Variants in RGPD8 observed in about 807,000 individuals in gnomAD.
RGPD8 encodes the protein RANBP2 like and GRIP domain containing 8, also known as RANBP2-like and GRIP domain-containing protein 8.
A neutral mutation model predicts 89.1 loss-of-function variants in RGPD8; 15 were observed. That is an observed-to-expected ratio of 0.17 (90% CI 0.11 to 0.26). The LOEUF (loss-of-function observed/expected upper bound fraction) is 0.26. Ranked by LOEUF, RGPD8 falls within the 10% of genes least tolerant of loss-of-function variation. The pLI, the probability that RGPD8 is intolerant of heterozygous loss-of-function variation, is 1.00. For synonymous variants in RGPD8, 62 were observed against 420.9 expected, an observed-to-expected ratio of 0.15 and a Z score of 10.44; for missense variants, 178 against 1,179.6, an observed-to-expected ratio of 0.15 and a Z score of 12.44.
At position 112,429,395 on chromosome 2, in the gene RGPD8, G is replaced by A. The variant is rs1490937016; in HGVS notation, c.72+3987C>T. Among the ~76,000 whole-genome samples the A allele has an allele frequency of 1.2e-4, 13 of 109,970 alleles. 1 individual carries two copies. Among genetic ancestry groups the A allele is most frequent in the Admixed American group, 4.1e-4 (3 of 7,242 alleles). The allele number at this position is 109,970 out of a possible 152,430, so 72.1% of individuals were successfully genotyped here. A position where few individuals can be genotyped will look rare whatever the true frequency, so the allele number is the denominator to read the frequency against. Reference sequence around the variant, plus strand: ...CGCGACACTGCACTCCAGCCTGGACGATAGAGCCAGACTCCGTCTCAAAAA... The same window carrying A: ...CGCGACACTGCACTCCAGCCTGGACAATAGAGCCAGACTCCGTCTCAAAAA... On this transcript the variant is annotated intron_variant, in intron 1 of 22. Coordinates refer to ENST00000302558, the MANE Select transcript of RGPD8 (RefSeq NM_001164463.1).
chr2:112,413,458 T>C (rs1481022982), intron 6 of RGPD8, among the ~76,000 whole-genome samples: 17 of 107,544 alleles, frequency 1.6e-4, no homozygotes, highest in Admixed American at 1.3e-3. Flanking sequence ...TTAGTTCTTC[T>C]AAATCCTAAT....
intron 1 of RGPD8, chr2:112,432,711 A>G: frequency 2.0e-6 from 2 of 985,274 alleles, no homozygotes; most frequent in Non-Finnish European, 2.4e-6. Context: ...CCGCGCGGGT[A>G]CTACGGGGCC....
At chr2:112,433,272 C>G in intron 1 of RGPD8, 110 bp downstream of exon 1, 2 of 1,186,216 alleles carry the variant, frequency 1.7e-6, no homozygotes. Flanking sequence ...CAGGGAGCAG[C>G]GCCCGTCGGG....
At chr2:112,379,077 T>G (rs1440137229) in intron 21 of RGPD8, among the ~76,000 whole-genome samples, 1 of 113,890 alleles carries the variant, frequency 8.8e-6, no homozygotes, top group Non-Finnish European at 1.8e-5. Flanking sequence ...TAAGACAATG[T>G]AAAACACTAT....
chr2:112,379,556 C>T (rs1356840042), intron 21 of RGPD8, among the ~76,000 whole-genome samples: 3 of 147,018 alleles, frequency 2.0e-5, no homozygotes, highest in African/African-American at 7.4e-5. Flanking sequence ...GATTGCACCA[C>T]TGCACTCCAA....
chr2:112,381,951 C>T (rs1678317739), intron 20 of RGPD8, among the ~76,000 whole-genome samples: 1 of 152,308 alleles, frequency 6.6e-6, no homozygotes, highest in South Asian at 2.1e-4. Context: ...TGAGTGTTGT[C>T]TGTGAGGGTG....
chr2:112,387,394 GTCAC>G lies in RGPD8; in HGVS notation c.4921+626_4921+629del, dbSNP rs1294789158. ...TTTTTTGGAGACAAAGTCTCACTCA[GTCAC>G]TCAGTCAGGCTGGAGTAAGTGGCAT... is the stretch of plus-strand genomic sequence containing the variant. On this transcript the variant is annotated intron_variant, in intron 20 of 22. Transcript: ENST00000302558. 4.2e-5 allele frequency among the ~76,000 whole-genome samples: 6 copies of G among 141,930 alleles called. 1 individual carries two copies. The South Asian group carries it at 7.1e-4, about 17-fold the overall frequency. 93.1% of individuals were successfully genotyped at this position (141,930 alleles called of 152,430 possible).
intron 19 of RGPD8, among the ~76,000 whole-genome samples, chr2:112,390,502 A>G (rs71227756): frequency 1.6e-3 from 224 of 144,146 alleles, no homozygotes; most frequent in African/African-American, 5.0e-3. Context: ...TTTTACATAT[A>G]AGGCAACTGA....
intron 20 of RGPD8, among the ~76,000 whole-genome samples, chr2:112,382,276 A>T (rs1169375916): frequency 2.0e-5 from 3 of 151,714 alleles, no homozygotes; most frequent in African/African-American, 7.2e-5. Context: ...CATCCATCCA[A>T]CCATCCAATT....
intron 9 of RGPD8, among the ~76,000 whole-genome samples, chr2:112,402,446 C>T (rs1481298088): frequency 4.0e-5 from 6 of 150,546 alleles, no homozygotes; most frequent in South Asian, 2.1e-4. Flanking sequence ...GCCGAGATTG[C>T]GCCACTGCGC....
rs2104416323 is a variant in RGPD8 at position 112,433,382 on chromosome 2, C to T, written c.72G>A (p.Gln24=). 2 of 1,610,014 alleles carry T rather than the reference C, an allele frequency of 1.2e-6. No individual in the cohort carries two copies. The highest frequency in any genetic ancestry group is 2.2e-5 in the East Asian group (1 of 44,812). Residue 24 remains glutamine (Q), a splice_region_variant and synonymous_variant, in exon 1 of 23, where the codon CAG becomes CAA. Coordinates refer to ENST00000302558, the MANE Select transcript of RGPD8 (RefSeq NM_001164463.1). The part of the protein sequence containing the change: ...SVLGLTPSPR[Q]KSMKGFYFAK... ...GCCGCTCTCTTCCAGACCCACTCAC[C>T]TGTCGAGGCGACGGGGTGAGACCCA...
chr2:112,423,761 G>A (rs950755465), intron 2 of RGPD8, among the ~76,000 whole-genome samples: 3 of 151,434 alleles, frequency 2.0e-5, no homozygotes, highest in African/African-American at 7.3e-5. Context: ...TCCACTCCCA[G>A]CCAGGAAATC....
At position 112,423,575 on chromosome 2, in the gene RGPD8, G is replaced by A. The variant is rs1444129394; in HGVS notation, c.140+665C>T. Among the ~76,000 whole-genome samples the A allele has an allele frequency of 8.3e-5, 11 of 131,916 alleles. No homozygotes were observed. The East Asian group carries it at 8.8e-4, about 11-fold the overall frequency. The allele number at this position is 131,916 out of a possible 152,430, so 86.5% of individuals were successfully genotyped here. ...CTTAGCCAGGTCCACGTGGTGGTGC[G>A]CATCTGTATCCCCAGCTACTTGGGG... On this transcript the variant is annotated intron_variant, in intron 2 of 22. Coordinates refer to ENST00000302558, the MANE Select transcript of RGPD8 (RefSeq NM_001164463.1).
intron 7 of RGPD8, among the ~76,000 whole-genome samples, chr2:112,411,079 C>T (rs769834435): frequency 5.3e-4 from 80 of 151,934 alleles, no homozygotes; most frequent in African/African-American, 1.4e-3. Context: ...AGCAAAACTC[C>T]GTCTCAAAAA....
Position 112,429,223 on chromosome 2 carries a change from A to G in RGPD8, c.72+4159T>C, listed in dbSNP as rs1679907473. ...ATCATGAGGTCAGGAGATTGAGACT[A>G]TCCTGGCTAACACGGTGAAACTCCG... On this transcript the variant is annotated intron_variant, in intron 1 of 22. Transcript: ENST00000302558. Among the ~76,000 whole-genome samples the G allele has an allele frequency of 3.3e-5, 5 of 152,044 alleles. No individual in the cohort carries two copies. In the South Asian group the frequency reaches 1.0e-3, roughly 32 times the overall value.
chr2:112,380,638 G>A (rs1268414210), intron 21 of RGPD8, among the ~76,000 whole-genome samples, 186 bp downstream of exon 21: 3 of 112,938 alleles, frequency 2.7e-5, no homozygotes, highest in East Asian at 5.1e-4. Flanking sequence ...GGGTGACAGA[G>A]CAAGACTGTC....
intron 1 of RGPD8, among the ~76,000 whole-genome samples, chr2:112,431,579 T>C (rs997559039): frequency 1.3e-5 from 2 of 152,060 alleles, no homozygotes; most frequent in African/African-American, 4.8e-5. Context: ...TAACCTATGC[T>C]TAGTTATGAT....
At chr2:112,422,483 T>A in intron 3 of RGPD8, 65 bp downstream of exon 3, 1 of 1,584,066 alleles carries the variant, frequency 6.3e-7, no homozygotes, top group South Asian at 1.1e-5. Flanking sequence ...GACTTACTTA[T>A]ATAAATTTCT....
chr2:112,425,800 C>T (rs900704770), intron 1 of RGPD8, among the ~76,000 whole-genome samples: 1 of 151,250 alleles, frequency 6.6e-6, no homozygotes, highest in African/African-American at 2.4e-5. Flanking sequence ...GAGTATGTTC[C>T]ATCCATGTGA....
Sources: allele counts gnomAD v4.1 joint callset (sites outside exome capture counted in the v4.1 genomes callset), GRCh38; gene constraint gnomAD v4.1.1; transcripts MANE v1.5; gene names NCBI Gene and HGNC (gene_info 2026-07-23, HGNC 2026-07-21).